LTBP1: variants seen among roughly 807,000 people sequenced by gnomAD.
LTBP1 encodes latent transforming growth factor beta binding protein 1.
In LTBP1, 129 loss-of-function variants were observed where a neutral mutation model predicts 207.6. The observed-to-expected ratio is 0.62, with a 90% CI of 0.54 to 0.72. LTBP1 has a LOEUF of 0.72. Among genes scored for constraint, LTBP1 ranks in the 30% least tolerant of loss-of-function variants. LTBP1 has a pLI of 0.00. For missense variants in LTBP1, 2,281 were observed against 2,217.2 expected (o/e 1.03, Z -0.58); for synonymous variants, 963 against 833.7 (o/e 1.16, Z -2.67).
chr2:33,275,797 G>T lies in LTBP1; in HGVS notation c.2870-4G>T. The stretch of plus-strand genomic sequence containing the variant: ...AACTCAACAATGCTATCTGCTCTTC[G>T]TAGATGTTGACGAATGCCTGAGGCC... On this transcript the variant is annotated splice_region_variant and splice_polypyrimidine_tract_variant and intron_variant, in intron 17 of 33. Transcript: ENST00000404816. The T allele has an allele frequency of 6.2e-7, 1 of 1,613,912 alleles. No individual in the cohort carries two copies. Among genetic ancestry groups the T allele is most frequent in the Non-Finnish European group, 8.5e-7 (1 of 1,179,898 alleles).
chr2:33,364,225 A>G lies in LTBP1; in HGVS notation c.4409A>G (p.Glu1470Gly). 1 of 1,613,028 alleles carries G rather than the reference A, an allele frequency of 6.2e-7. No homozygotes were observed. Among genetic ancestry groups the G allele is most frequent in the Non-Finnish European group, 8.5e-7 (1 of 1,179,700 alleles). Residue 1470 changes from glutamate to glycine, a missense_variant, in exon 30 of 34, where the codon GAA becomes GGA. Transcript: ENST00000404816. ...PVKLQCFDMDECQDPSSCIDG... is the reference protein window; with the variant it reads ...PVKLQCFDMDGCQDPSSCIDG... ...TTTTTTTGCTCTTAAGATATGGATG[A>G]ATGTCAAGACCCCAGTAGTTGTATT...
intron 31 of LTBP1, among the ~76,000 whole-genome samples, chr2:33,382,333 G>A (rs2095225902): frequency 6.6e-6 from 1 of 151,984 alleles, no homozygotes; most frequent in Non-Finnish European, 1.5e-5. Context: ...GACTGTAGGT[G>A]ATCCACCCGC....
chr2:33,194,358 G>A (rs1055628288), intron 7 of LTBP1, among the ~76,000 whole-genome samples: 1 of 152,090 alleles, frequency 6.6e-6, no homozygotes. Flanking sequence ...GCCAAAATAA[G>A]CCAAAAGCTA....
At chr2:33,332,474 A>C (rs1267226077) in intron 24 of LTBP1, among the ~76,000 whole-genome samples, 1 of 151,466 alleles carries the variant, frequency 6.6e-6, no homozygotes, top group Non-Finnish European at 1.5e-5. Context: ...AAAATCATTT[A>C]TCAACCAGTG....
In LTBP1 at chr2:32,947,279, A is replaced by C; in HGVS notation, c.-46A>C. On this transcript the variant is annotated 5_prime_UTR_variant, in exon 1 of 34. Coordinates refer to ENST00000404816, the MANE Select transcript of LTBP1 (RefSeq NM_206943.4). ...GAAAGGCGAGCCGCACGGCCGGGGGAGGGGGCCGGACCGCGCGCGACCGGT... is the reference window on the plus strand; with the variant it reads ...GAAAGGCGAGCCGCACGGCCGGGGGCGGGGGCCGGACCGCGCGCGACCGGT... 1 of 1,112,856 alleles carries C rather than the reference A, an allele frequency of 9.0e-7. No homozygotes were observed. The highest frequency in any genetic ancestry group is 1.1e-6 in the Non-Finnish European group (1 of 896,414). 68.9% of individuals were successfully genotyped at this position (1,112,856 alleles called of 1,614,324 possible).
chr2:33,087,064 C>T (rs1269396679), intron 3 of LTBP1, among the ~76,000 whole-genome samples: 1 of 141,066 alleles, frequency 7.1e-6, no homozygotes, highest in Non-Finnish European at 1.5e-5. Flanking sequence ...ACAGAAGCAC[C>T]AGGCTGTCCC....
rs1321558473 is a variant in LTBP1, at chr2:33,201,336, A to G, written c.1701+12485A>G. 5.9e-5 allele frequency among the ~76,000 whole-genome samples: 9 copies of G among 152,268 alleles called. 1 individual carries two copies. The highest frequency in any genetic ancestry group is 2.2e-4 in the African/African-American group (9 of 41,544). On this transcript the variant is annotated intron_variant, in intron 7 of 33. Coordinates refer to ENST00000404816, the MANE Select transcript of LTBP1 (RefSeq NM_206943.4). Reference sequence around the variant, plus strand: ...GTTCATGTCCTTTGTAGGGACAGGGATGAAATTGGAAATCATCATTCTCAG... The same window carrying G: ...GTTCATGTCCTTTGTAGGGACAGGGGTGAAATTGGAAATCATCATTCTCAG...
At chr2:33,074,802 G>A (rs2077988423) in intron 3 of LTBP1, among the ~76,000 whole-genome samples, 1 of 151,684 alleles carries the variant, frequency 6.6e-6, no homozygotes, top group African/African-American at 2.4e-5. Flanking sequence ...CCGAGGAGGT[G>A]GAGGTTGCAG....
intron 5 of LTBP1, among the ~76,000 whole-genome samples, chr2:33,148,268 G>C (rs772420615): frequency 2.0e-5 from 3 of 152,160 alleles, no homozygotes; most frequent in African/African-American, 4.8e-5. Context: ...TTTAATTTGA[G>C]ACAAGAGAAG....
chr2:33,381,287 A>G (rs1029455123), intron 31 of LTBP1, among the ~76,000 whole-genome samples: 4 of 152,078 alleles, frequency 2.6e-5, no homozygotes, highest in African/African-American at 9.7e-5. Context: ...TTAAAATGCA[A>G]AGGAACCACT....
chr2:33,071,976 C>T (rs537514722), intron 3 of LTBP1, among the ~76,000 whole-genome samples: 7 of 152,300 alleles, frequency 4.6e-5, no homozygotes, highest in African/African-American at 1.7e-4. Flanking sequence ...TGAATTCTGA[C>T]ACTGTCTACC....
chr2:32,999,396 G>GAAGTACACCTGAGTGACTTTATTAACT (rs1290241658), intron 2 of LTBP1, among the ~76,000 whole-genome samples: 6 of 80,846 alleles, frequency 7.4e-5, no homozygotes, highest in East Asian at 1.6e-3. Flanking sequence ...GCGAGGCCTA[G>GAAGTACACCTGAGTGACTTTATTAACT]ACATGGTGTG....
intron 19 of LTBP1, among the ~76,000 whole-genome samples, chr2:33,291,086 G>A (rs1376583684): frequency 2.6e-5 from 4 of 152,090 alleles, no homozygotes; most frequent in African/African-American, 4.8e-5. Context: ...TTCTATCTAC[G>A]GTGATTGGCT....
intron 9 of LTBP1, among the ~76,000 whole-genome samples, chr2:33,234,313 GA>G (rs1287987135): frequency 1.3e-5 from 2 of 152,012 alleles, no homozygotes; most frequent in African/African-American, 4.8e-5. Context: ...TTTCTTTCTA[GA>G]AGGTTTTTGG....
At chr2:33,339,191 TG>T (rs745694116) in intron 24 of LTBP1, among the ~76,000 whole-genome samples, 1 of 151,968 alleles carries the variant, frequency 6.6e-6, no homozygotes, top group Non-Finnish European at 1.5e-5. Flanking sequence ...GGTGACAGAT[TG>T]GATTTGCTGA....
intron 22 of LTBP1, among the ~76,000 whole-genome samples, chr2:33,305,840 A>G (rs1157782456): frequency 6.6e-6 from 1 of 152,156 alleles, no homozygotes; most frequent in Non-Finnish European, 1.5e-5. Context: ...TTCAAGGAGG[A>G]GGGAGTGATG....
intron 3 of LTBP1, among the ~76,000 whole-genome samples, chr2:33,063,929 C>G (rs1478926663): frequency 6.6e-6 from 1 of 151,774 alleles, no homozygotes; most frequent in Non-Finnish European, 1.5e-5. Flanking sequence ...CCTTGGCTCA[C>G]TGCAACCTCT....
intron 2 of LTBP1, among the ~76,000 whole-genome samples, chr2:32,977,519 G>A (rs1681998101): frequency 6.6e-6 from 1 of 152,190 alleles, no homozygotes; most frequent in Non-Finnish European, 1.5e-5. Context: ...TTATGTCACT[G>A]GTGCCAGTTT....
chr2:33,185,567 C>T (rs2087110575), intron 5 of LTBP1, among the ~76,000 whole-genome samples: 1 of 152,040 alleles, frequency 6.6e-6, no homozygotes, highest in African/African-American at 2.4e-5. Context: ...TAACACACAT[C>T]AGTATATAAA....
Sources: allele counts gnomAD v4.1 joint callset (sites outside exome capture counted in the v4.1 genomes callset), GRCh38; gene constraint gnomAD v4.1.1; transcripts MANE v1.5; gene names NCBI Gene and HGNC (gene_info 2026-07-23, HGNC 2026-07-21).